Variants in MCU observed in about 807,000 individuals in gnomAD.
MCU encodes the protein calcium uniporter protein, mitochondrial.
In MCU, 12 loss-of-function variants were observed where a neutral mutation model predicts 45.2. The ratio of observed to expected loss-of-function variants is 0.27; its 90% CI spans 0.17 to 0.43. The LOEUF (loss-of-function observed/expected upper bound fraction) is 0.43, where lower values mean the gene tolerates loss of function less well. Among genes scored for constraint, MCU ranks in the 20% least tolerant of loss-of-function variants. The probability of loss-of-function intolerance (pLI) is 1.00; values close to 1 mark genes in which losing one functional copy is unlikely to be tolerated. For missense variants in MCU, 324 were observed against 436.7 expected, an observed-to-expected ratio of 0.74 and a Z score of 2.30; for synonymous variants, 160 against 165.1, an observed-to-expected ratio of 0.97 and a Z score of 0.24.
At chr10:72,732,319 A>G (rs1843187394) in intron 1 of MCU, among the ~76,000 whole-genome samples, 1 of 152,190 alleles carries the variant, frequency 6.6e-6, no homozygotes, top group Non-Finnish European at 1.5e-5. Context: ...TTAGTTCATT[A>G]TGAATCTGGC....
At chr10:72,795,174 T>C (rs192292292) in intron 1 of MCU, among the ~76,000 whole-genome samples, 2 of 152,276 alleles carry the variant, frequency 1.3e-5, no homozygotes, top group East Asian at 3.9e-4. Context: ...ATTTCTTATT[T>C]TCCACATTAC....
intron 2 of MCU, among the ~76,000 whole-genome samples, chr10:72,849,936 A>G (rs1845182246): frequency 1.3e-5 from 2 of 148,374 alleles, no homozygotes; most frequent in Admixed American, 1.3e-4. Flanking sequence ...TTTTTTAGAC[A>G]GAATTTTGCT....
intron 1 of MCU, 179 bp downstream of exon 1, chr10:72,692,480 G>A: frequency 1.2e-6 from 1 of 852,266 alleles, no homozygotes; most frequent in Non-Finnish European, 1.5e-6. Context: ...GACCAGGAAG[G>A]GAGGGCGGGC....
chr10:72,863,262 T>C (rs180986350), intron 4 of MCU, among the ~76,000 whole-genome samples: 1 of 152,328 alleles, frequency 6.6e-6, no homozygotes, highest in East Asian at 1.9e-4. Flanking sequence ...GATTAATCTC[T>C]TCTCTGAATT....
In MCU at chr10:72,756,550, G is replaced by A. The variant is rs150376753; in HGVS notation, c.150+64249G>A. On this transcript the variant is annotated intron_variant, in intron 1 of 7. Coordinates refer to ENST00000373053, the MANE Select transcript of MCU (RefSeq NM_138357.3). ...TGCAAGTTCATTGCTCTTGGAGGCT[G>A]TGATAGCATAATCATTGCTTGCTGT... 3 of 152,304 alleles carry A rather than the reference G, an allele frequency of 2.0e-5. No individual in the cohort carries two copies. In the East Asian group the frequency reaches 5.8e-4, roughly 29 times the overall value. 9.4% of individuals were successfully genotyped at this position (152,304 alleles called of 1,614,324 possible). A position where few individuals can be genotyped will look rare whatever the true frequency, so the allele number is the denominator to read the frequency against.
At chr10:72,771,027 G>A (rs963957998) in intron 1 of MCU, among the ~76,000 whole-genome samples, 4 of 152,020 alleles carry the variant, frequency 2.6e-5, no homozygotes, top group African/African-American at 9.7e-5. Flanking sequence ...ATCTTGGGAT[G>A]TCTTATCTGC....
chr10:72,831,267 T>G (rs1844873910), intron 1 of MCU, among the ~76,000 whole-genome samples: 1 of 152,076 alleles, frequency 6.6e-6, no homozygotes, highest in South Asian at 2.1e-4. Context: ...AGTAAAATCT[T>G]AAGATTGGGG....
At chr10:72,693,373 T>C (rs1485094921) in intron 1 of MCU, among the ~76,000 whole-genome samples, 1 of 152,174 alleles carries the variant, frequency 6.6e-6, no homozygotes, top group Non-Finnish European at 1.5e-5. Flanking sequence ...TTTTATTTGC[T>C]GGGGCTGAGT....
intron 1 of MCU, among the ~76,000 whole-genome samples, chr10:72,734,563 A>G (rs1190177522): frequency 6.6e-6 from 1 of 152,128 alleles, no homozygotes. Flanking sequence ...GTATTTGAAA[A>G]TTTAAAGTTA....
chr10:72,850,132 C>T (rs1439262730), intron 2 of MCU, among the ~76,000 whole-genome samples: 1 of 152,078 alleles, frequency 6.6e-6, no homozygotes, highest in African/African-American at 2.4e-5. Context: ...CCAGACTGGT[C>T]TCGAACTCCT....
chr10:72,702,699 C>T (rs1279232015), intron 1 of MCU, among the ~76,000 whole-genome samples: 1 of 152,148 alleles, frequency 6.6e-6, no homozygotes, highest in Non-Finnish European at 1.5e-5. Flanking sequence ...CATTTGGGGC[C>T]AGGTGCAGTG....
intron 4 of MCU, among the ~76,000 whole-genome samples, 186 bp from the exon 5 acceptor site, chr10:72,868,517 A>C (rs535899220): frequency 5.3e-5 from 8 of 150,424 alleles, no homozygotes; most frequent in Non-Finnish European, 1.0e-4. Context: ...ACACCACTGC[A>C]CTCCAGCCTG....
chr10:72,871,897 G>A (rs554376840), intron 6 of MCU, among the ~76,000 whole-genome samples: 1 of 152,354 alleles, frequency 6.6e-6, no homozygotes, highest in South Asian at 2.1e-4. Flanking sequence ...TCAGCTGTAG[G>A]ATAACCTGTT....
At chr10:72,853,239 TTATAAA>T (rs1323643550) in intron 2 of MCU, among the ~76,000 whole-genome samples, 1 of 152,162 alleles carries the variant, frequency 6.6e-6, no homozygotes, top group Non-Finnish European at 1.5e-5. Context: ...AAAATAGCTA[TTATAAA>T]TATGATCCTT....
At chr10:72,800,728 T>A (rs1844326032) in intron 1 of MCU, among the ~76,000 whole-genome samples, 1 of 152,200 alleles carries the variant, frequency 6.6e-6, no homozygotes, top group Non-Finnish European at 1.5e-5. Flanking sequence ...AATTCATTTG[T>A]GTTTGGATGA....
intron 1 of MCU, among the ~76,000 whole-genome samples, chr10:72,729,793 T>G (rs1843146879): frequency 1.3e-5 from 2 of 152,238 alleles, no homozygotes; most frequent in South Asian, 2.1e-4. Flanking sequence ...GGCTCTCTCG[T>G]GCATTGTAAG....
At chr10:72,714,862 T>C (rs2132665333) in intron 1 of MCU, among the ~76,000 whole-genome samples, 2 of 152,322 alleles carry the variant, frequency 1.3e-5, no homozygotes, top group East Asian at 3.9e-4. Flanking sequence ...TTTAATACTT[T>C]GTTTCTGGAA....
chr10:72,783,745 G>A (rs1222259583), intron 1 of MCU, among the ~76,000 whole-genome samples: 3 of 152,196 alleles, frequency 2.0e-5, no homozygotes, highest in Non-Finnish European at 4.4e-5. Flanking sequence ...GTGGGGTGGA[G>A]TGGAGTTGGG....
intron 1 of MCU, among the ~76,000 whole-genome samples, chr10:72,784,921 G>A (rs912226046): frequency 7.9e-5 from 12 of 152,136 alleles, no homozygotes; most frequent in African/African-American, 2.9e-4. Flanking sequence ...CATGGATAAT[G>A]ATTTTAAAGC....
Sources: allele counts gnomAD v4.1 joint callset (sites outside exome capture counted in the v4.1 genomes callset), GRCh38; gene constraint gnomAD v4.1.1; transcripts MANE v1.5; gene names NCBI Gene and HGNC (gene_info 2026-07-23, HGNC 2026-07-21).